Variants in PDZD4 observed in about 807,000 individuals in gnomAD.
The protein encoded by PDZD4 is PDZ domain-containing protein 4.
In PDZD4, 9 loss-of-function variants were observed where a neutral mutation model predicts 38.5. That is an observed-to-expected ratio of 0.23 (90% CI 0.14 to 0.41). The LOEUF (loss-of-function observed/expected upper bound fraction) is 0.41. Ranked by LOEUF, PDZD4 falls within the 10% of genes least tolerant of loss-of-function variation. The pLI, the probability that PDZD4 is intolerant of heterozygous loss-of-function variation, is 1.00. For missense variants in PDZD4, 612 were observed against 722.0 expected (o/e 0.85, Z 1.75); for synonymous variants, 349 against 315.7 (o/e 1.11, Z -1.12).
chrX:153,814,470 T>TCCCC (rs1421241398), intron 1 of PDZD4, among the ~76,000 whole-genome samples: 7 of 42,397 alleles, frequency 1.7e-4, no homozygotes, highest in African/African-American at 4.4e-4. Flanking sequence ...TCAGACTCCA[T>TCCCC]CCACCCCCCA....
intron 1 of PDZD4, among the ~76,000 whole-genome samples, chrX:153,819,120 G>T (rs782320912): frequency 5.3e-5 from 6 of 112,780 alleles, no homozygotes; most frequent in African/African-American, 1.9e-4. Flanking sequence ...CGACGGCGGC[G>T]GGGTGGCTGC....
chrX:153,823,231 A>AT (rs1331233817), intron 1 of PDZD4, among the ~76,000 whole-genome samples: 15 of 102,316 alleles, frequency 1.5e-4, no homozygotes, highest in Non-Finnish European at 2.6e-4. Context: ...ATATATATAT[A>AT]TATTTTTTTT....
intron 5 of PDZD4, among the ~76,000 whole-genome samples, 193 bp from the exon 6 acceptor site, chrX:153,805,799 G>T (rs1323570792): frequency 8.9e-6 from 1 of 112,405 alleles, no homozygotes; most frequent in Non-Finnish European, 1.9e-5. Context: ...TGTGTGCTCA[G>T]GAGAGCATGG....
At position 153,830,477 on chromosome X, in the gene PDZD4, G is replaced by A; in HGVS notation, c.-179C>T. The A allele has an allele frequency of 2.7e-6, 1 of 375,320 alleles. No individual in the cohort carries two copies. The allele number at this position is 375,320 out of a possible 1,213,427, so 30.9% of individuals were successfully genotyped here. On this transcript the variant is annotated 5_prime_UTR_variant, in exon 1 of 8. Transcript: ENST00000393758. ...GTGGGGGCAGCGGCTCGCCCCTCAG[G>A]TTAACTCTTCGCTGGCCGAGGCCAG...
In PDZD4 at chrX:153,804,866, G is replaced by A. The variant is rs1557076329; in HGVS notation, c.815C>T (p.Ala272Val). The change falls in exon 8 of 8, where the codon GCC becomes GTC. Residue 272 changes from alanine (A) to valine (V), a missense_variant. Physicochemically the swap from Ala to Val is moderately conservative, Grantham distance 64. Coordinates refer to ENST00000393758, the MANE Select transcript of PDZD4 (RefSeq NM_001303512.2). ...CTGGCTGTTGCTCAGGCCTGGGCCG[G>A]CATCGGGAGCCCCCTTCTCCTCTTC... ...GNEEEKGAPD[A>V]GPGLSNSQEL... 1.7e-6 allele frequency: 2 copies of A among 1,210,026 alleles called. No individual in the cohort carries two copies. The highest frequency in any genetic ancestry group is 2.2e-5 in the Admixed American group (1 of 46,064).
chrX:153,824,599 T>C (rs1557082090), intron 1 of PDZD4, among the ~76,000 whole-genome samples: 5 of 111,206 alleles, frequency 4.5e-5, no homozygotes, highest in Non-Finnish European at 9.4e-5. Context: ...GAGGAAGACG[T>C]CGCTGAAGAG....
intron 1 of PDZD4, among the ~76,000 whole-genome samples, chrX:153,828,623 C>A (rs2064506859): frequency 8.9e-6 from 1 of 112,722 alleles, no homozygotes; most frequent in Admixed American, 9.3e-5. Flanking sequence ...CCGGTGTCGT[C>A]CCATGGCTCA....
chrX:153,807,452 G>A (rs998884951), intron 2 of PDZD4, 83 bp from the exon 3 acceptor site: 25 of 975,343 alleles, frequency 2.6e-5, no homozygotes, highest in Admixed American at 5.4e-5. Context: ...CGATCCCAGC[G>A]TGCCTGGCAC....
At chrX:153,828,584 C>T (rs2064506483) in intron 1 of PDZD4, among the ~76,000 whole-genome samples, 1 of 112,483 alleles carries the variant, frequency 8.9e-6, no homozygotes, top group Non-Finnish European at 1.9e-5. Flanking sequence ...GAGGCCTTCC[C>T]GGAGGGCTGT....
chrX:153,803,254 C>G lies in PDZD4; in HGVS notation c.*99G>C. The G allele has an allele frequency of 1.6e-6, 1 of 629,512 alleles. No individual in the cohort carries two copies. Among genetic ancestry groups the G allele is most frequent in the Non-Finnish European group, 2.2e-6 (1 of 455,217 alleles). 51.9% of individuals were successfully genotyped at this position (629,512 alleles called of 1,213,427 possible). A position where few individuals can be genotyped will look rare whatever the true frequency, so the allele number is the denominator to read the frequency against. On this transcript the variant is annotated 3_prime_UTR_variant, in exon 8 of 8. Transcript: ENST00000393758. ...TGTGTGCGTGCGCACAGCGAGCACG[C>G]GCGCGCGCACACACACACACACACA...
At chrX:153,807,772 AG>A in intron 2 of PDZD4, 1 of 881,183 alleles carries the variant, frequency 1.1e-6, no homozygotes, top group Non-Finnish European at 1.4e-6. Context: ...TGCAGAGCAG[AG>A]GGGGGCCCAC....
chrX:153,825,305 G>A (rs781784187), intron 1 of PDZD4, among the ~76,000 whole-genome samples: 23 of 112,254 alleles, frequency 2.0e-4, no homozygotes, highest in African/African-American at 4.5e-4. Context: ...GACCATCTCC[G>A]GCGTGCTCGG....
At chrX:153,816,825 T>C (rs782778129) in intron 1 of PDZD4, among the ~76,000 whole-genome samples, 47 of 111,555 alleles carry the variant, frequency 4.2e-4, no homozygotes, top group African/African-American at 1.5e-3. Context: ...GCAACGGCAG[T>C]GGTCCAGACC....
chrX:153,807,997 G>A (rs2064270727), intron 2 of PDZD4: 3 of 1,020,386 alleles, frequency 2.9e-6, no homozygotes, highest in Non-Finnish European at 3.8e-6. Context: ...GTAGAGGAAT[G>A]AGACAGACAA....
At chrX:153,805,648 G>A in intron 5 of PDZD4, 42 bp from the exon 6 acceptor site, 4 of 1,111,231 alleles carry the variant, frequency 3.6e-6, no homozygotes, top group African/African-American at 1.8e-5. Context: ...GCTAGGGCTG[G>A]CCCTGGGGCG....
At chrX:153,813,194 AG>A (rs1477055739) in intron 1 of PDZD4, among the ~76,000 whole-genome samples, 1 of 112,342 alleles carries the variant, frequency 8.9e-6, no homozygotes, top group African/African-American at 3.2e-5. Context: ...AGACGACAAA[AG>A]ACACCCTAAA....
In PDZD4 at chrX:153,803,543, C is replaced by T. The variant is rs782807031; in HGVS notation, c.2138G>A (p.Arg713Gln). 8.3e-7 allele frequency: 1 copy of T among 1,206,593 alleles called. No homozygotes were observed. Among genetic ancestry groups the T allele is most frequent in the Non-Finnish European group, 1.1e-6 (1 of 892,583 alleles). ...FMMQSRLECL[R>Q]EQQNGDSKPE... The stretch of plus-strand genomic sequence containing the variant: ...CTTGCTGTCGCCATTCTGCTGCTCC[C>T]GCAGGCACTCCAGCCGGCTCTGCAT... Residue 713 changes from arginine (R) to glutamine (Q), a missense_variant, in exon 8 of 8, where the codon CGG (arginine) becomes CAG (glutamine). By Grantham distance (43) the Arg-to-Gln change is conservative (BLOSUM62 1). This residue lies in a region of PDZD4 where 87 missense variants were observed against 126.3 expected (regional missense o/e 0.69). Coordinates refer to ENST00000393758, the MANE Select transcript of PDZD4 (RefSeq NM_001303512.2).
At position 153,808,497 on chromosome X, in the gene PDZD4, G is replaced by A. The variant is rs781860633; in HGVS notation, c.159C>T (p.Ser53=). Residue 53 remains serine, a synonymous_variant, in exon 2 of 8, where the codon AGC becomes AGT. Transcript: ENST00000393758. ...AGGAGCTGTCCCCCCGGAGGCGGGGGCTGCGTCTCAGCACCTGGATCACCA... is the reference window on the plus strand; with the variant it reads ...AGGAGCTGTCCCCCCGGAGGCGGGGACTGCGTCTCAGCACCTGGATCACCA... ...EPLVIQVLRR[S]PRLRGDSSCH... 1.7e-6 allele frequency: 2 copies of A among 1,210,581 alleles called. No individual in the cohort carries two copies. The highest frequency in any genetic ancestry group is 2.2e-5 in the Admixed American group (1 of 46,059).
intron 2 of PDZD4, 192 bp downstream of exon 2, chrX:153,808,150 A>G (rs2064272513): frequency 9.3e-7 from 1 of 1,074,177 alleles, no homozygotes; most frequent in African/African-American, 1.9e-5. Flanking sequence ...CTGGGGGTAG[A>G]TACAACGGGG....
Sources: allele counts gnomAD v4.1 joint callset (sites outside exome capture counted in the v4.1 genomes callset), GRCh38; gene constraint gnomAD v4.1.1; regional missense constraint gnomAD v4.1.1; transcripts MANE v1.5; gene names NCBI Gene and HGNC (gene_info 2026-07-23, HGNC 2026-07-21).